BMP8A: variants seen among roughly 807,000 people sequenced by gnomAD.
BMP8A encodes BMP-8A.
BMP8A carries 14 observed loss-of-function variants against 36.8 expected under a neutral mutation model. The observed-to-expected ratio is 0.38, with a 90% CI of 0.25 to 0.60. BMP8A has a LOEUF of 0.60. Among genes scored for constraint, BMP8A ranks in the 20% least tolerant of loss-of-function variants. BMP8A has a pLI of 0.63. For missense variants in BMP8A, 267 were observed against 551.1 expected (o/e 0.48, Z 5.16); for synonymous variants, 120 against 237.7 (o/e 0.50, Z 4.55).
At chr1:39,505,413 T>C (rs1397536908) in intron 1 of BMP8A, among the ~76,000 whole-genome samples, 1 of 152,192 alleles carries the variant, frequency 6.6e-6, no homozygotes, top group East Asian at 1.9e-4. Context: ...CATTAAACCC[T>C]GAGTCAATAC....
chr1:39,522,704 C>A (rs1483815005), intron 5 of BMP8A, among the ~76,000 whole-genome samples: 2 of 152,070 alleles, frequency 1.3e-5, no homozygotes, highest in African/African-American at 4.8e-5. Context: ...AAGACTGAAT[C>A]AACCAACTAA....
intron 1 of BMP8A, among the ~76,000 whole-genome samples, chr1:39,495,294 C>T (rs922814732): frequency 6.6e-6 from 1 of 152,226 alleles, no homozygotes; most frequent in African/African-American, 2.4e-5. Context: ...GCTTCCCACC[C>T]ATGGGTTCAG....
chr1:39,502,240 A>C (rs1048370902), intron 1 of BMP8A, among the ~76,000 whole-genome samples: 19 of 149,598 alleles, frequency 1.3e-4, no homozygotes, highest in Middle Eastern at 6.8e-3. Context: ...TGTCTCAAAA[A>C]AAAAAAAAAA....
rs1451585387 is a variant in BMP8A at position 39,529,787 on chromosome 1, T to C, written c.*3989T>C. ...ATTTTACAAAGTTAGGATCCTACTC[T>C]ATGCACTGCTTGGTGATCGGATCTA... On this transcript the variant is annotated 3_prime_UTR_variant, in exon 7 of 7. Coordinates refer to ENST00000331593, the MANE Select transcript of BMP8A (RefSeq NM_181809.4). Among the ~76,000 whole-genome samples, 1 of 152,242 alleles carries C rather than the reference T, an allele frequency of 6.6e-6. No individual in the cohort carries two copies. The highest frequency in any genetic ancestry group is 6.5e-5 in the Admixed American group (1 of 15,284).
At chr1:39,505,890 G>A (rs1011140346) in intron 1 of BMP8A, among the ~76,000 whole-genome samples, 12 of 151,816 alleles carry the variant, frequency 7.9e-5, no homozygotes, top group Non-Finnish European at 1.2e-4. Context: ...AGAGGCTGAA[G>A]TGGGAGGATC....
intron 6 of BMP8A, chr1:39,525,234 G>A: frequency 5.7e-6 from 1 of 174,834 alleles, no homozygotes; most frequent in Non-Finnish European, 1.2e-5. Context: ...TGGGGAGGCA[G>A]AGCCTCTGGG....
At chr1:39,506,836 C>T (rs74069347) in intron 1 of BMP8A, among the ~76,000 whole-genome samples, 3,313 of 152,304 alleles carry the variant, frequency 0.022, 114 homozygotes, top group African/African-American at 0.073. Flanking sequence ...ATCTTGCTTA[C>T]CTCAGTGTCT....
chr1:39,525,827 C>G lies in BMP8A; in HGVS notation c.*29C>G. 6.2e-7 allele frequency: 1 copy of G among 1,612,662 alleles called. No homozygotes were observed. The highest frequency in any genetic ancestry group is 1.1e-5 in the South Asian group (1 of 91,072). On this transcript the variant is annotated 3_prime_UTR_variant, in exon 7 of 7. Coordinates refer to ENST00000331593, the MANE Select transcript of BMP8A (RefSeq NM_181809.4). ...AGCCCGCCCAGCCCTACTGCAGCCACCCTTCTCATCTGGATCGGGCCCTGC... is the reference window on the plus strand; with the variant it reads ...AGCCCGCCCAGCCCTACTGCAGCCAGCCTTCTCATCTGGATCGGGCCCTGC...
chr1:39,515,432 G>A, intron 3 of BMP8A: 1 of 815,586 alleles, frequency 1.2e-6, no homozygotes, highest in Non-Finnish European at 1.8e-6. Flanking sequence ...ACACCCCCAC[G>A]GGCTACGGGA....
intron 3 of BMP8A, chr1:39,515,435 C>T (rs1310457022): frequency 4.9e-6 from 4 of 823,186 alleles, no homozygotes; most frequent in African/African-American, 1.9e-5. Flanking sequence ...CCCCCACGGG[C>T]TACGGGACCC....
At chr1:39,514,826 G>T in intron 3 of BMP8A, 1 of 1,197,228 alleles carries the variant, frequency 8.4e-7, no homozygotes, top group African/African-American at 1.6e-5. Flanking sequence ...CCTAGAGCCT[G>T]CGCCTGGCCG....
chr1:39,495,260 A>T lies in BMP8A; in HGVS notation c.334+2935A>T, dbSNP rs538200739. On this transcript the variant is annotated intron_variant, in intron 1 of 6. Transcript: ENST00000331593. ...CCAACTCTTGATGGCAGCCTGTGGGACCCAGAGGGCGGGGCTCTCGCTGGC... is the reference window on the plus strand; with the variant it reads ...CCAACTCTTGATGGCAGCCTGTGGGTCCCAGAGGGCGGGGCTCTCGCTGGC... Among the ~76,000 whole-genome samples, 5 of 152,204 alleles carry T rather than the reference A, an allele frequency of 3.3e-5. No individual in the cohort carries two copies. The East Asian group carries it at 9.7e-4, about 29-fold the overall frequency.
At chr1:39,500,913 C>CA (rs1290662285) in intron 1 of BMP8A, among the ~76,000 whole-genome samples, 3 of 152,158 alleles carry the variant, frequency 2.0e-5, no homozygotes, top group Non-Finnish European at 4.4e-5. Context: ...CTCAGCCTGC[C>CA]AAAGTGCTGG....
At chr1:39,503,548 G>A (rs1327756401) in intron 1 of BMP8A, among the ~76,000 whole-genome samples, 7 of 117,088 alleles carry the variant, frequency 6.0e-5, no homozygotes, top group African/African-American at 1.7e-4. Context: ...ATGGAGTCTC[G>A]CTCTCTCCCA....
intron 1 of BMP8A, among the ~76,000 whole-genome samples, chr1:39,510,000 G>T (rs1324486332): frequency 6.6e-6 from 1 of 151,640 alleles, no homozygotes; most frequent in Non-Finnish European, 1.5e-5. Context: ...TTGATTGGCA[G>T]GCCAGCCCCT....
Position 39,526,528 on chromosome 1 carries a change from G to T in BMP8A, c.*730G>T, listed in dbSNP as rs998794369. 8.5e-5 allele frequency among the ~76,000 whole-genome samples: 13 copies of T among 152,152 alleles called. No individual in the cohort carries two copies. The highest frequency in any genetic ancestry group is 3.1e-4 in the African/African-American group (13 of 41,504). Reference sequence around the variant, plus strand: ...TCATTCTTGTATTTTTAGTAGAGACGGGGTTTCACCATATCGGCCAGGCTG... The same window carrying T: ...TCATTCTTGTATTTTTAGTAGAGACTGGGTTTCACCATATCGGCCAGGCTG... On this transcript the variant is annotated 3_prime_UTR_variant, in exon 7 of 7. Transcript: ENST00000331593.
intron 1 of BMP8A, among the ~76,000 whole-genome samples, chr1:39,508,106 C>G (rs2124346924): frequency 6.6e-6 from 1 of 152,258 alleles, no homozygotes; most frequent in South Asian, 2.1e-4. Context: ...AAAAAATTAG[C>G]TAGGCGTGGT....
rs1468248269 is a variant in BMP8A at position 39,524,999 on chromosome 1, A to C, written c.1060-650A>C. On this transcript the variant is annotated intron_variant, in intron 6 of 6. Transcript: ENST00000331593. The surrounding 1 kb of genome is among the most constrained non-coding windows in gnomAD (Gnocchi z 4.0). Reference sequence around the variant, plus strand: ...CAGGGCGGGAGGAATTCTATGTTCCACTGAGGCCTCATTAGACCCCCAAGT... The same window carrying C: ...CAGGGCGGGAGGAATTCTATGTTCCCCTGAGGCCTCATTAGACCCCCAAGT... 4 of 152,740 alleles carry C rather than the reference A, an allele frequency of 2.6e-5. No homozygotes were observed. The highest frequency in any genetic ancestry group is 5.9e-5 in the Non-Finnish European group (4 of 68,374). The allele number at this position is 152,740 out of a possible 1,614,324, so 9.5% of individuals were successfully genotyped here.
rs905503943 is a variant in BMP8A at position 39,527,472 on chromosome 1, G to T, written c.*1674G>T. Among the ~76,000 whole-genome samples, 37 of 152,344 alleles carry T rather than the reference G, an allele frequency of 2.4e-4. No homozygotes were observed. Among genetic ancestry groups the T allele is most frequent in the African/African-American group, 8.2e-4 (34 of 41,588 alleles). On this transcript the variant is annotated 3_prime_UTR_variant, in exon 7 of 7. Coordinates refer to ENST00000331593, the MANE Select transcript of BMP8A (RefSeq NM_181809.4). ...TGGTTCCACCTCCCCATGGGCCCAAGGATGCGCCTCTCTGGAGTTCACGTG... is the reference window on the plus strand; with the variant it reads ...TGGTTCCACCTCCCCATGGGCCCAATGATGCGCCTCTCTGGAGTTCACGTG...
Sources: gnomAD v4.1 joint callset for allele counts (sites outside exome capture counted in the v4.1 genomes callset) on GRCh38, gnomAD v4.1.1 for gene constraint, Gnocchi (gnomAD v3.1) non-coding constraint, MANE v1.5 for transcripts, NCBI Gene and HGNC (gene_info 2026-07-23, HGNC 2026-07-21) for gene names.